Variants in ITGA9 observed in about 807,000 individuals in gnomAD.
ITGA9 encodes the protein integrin subunit alpha 9.
Under a neutral mutation model 127.8 loss-of-function variants are expected in ITGA9, and 56 were observed. The observed-to-expected ratio is 0.44, with a 90% CI of 0.35 to 0.55. ITGA9 has a LOEUF of 0.55. Among genes scored for constraint, ITGA9 ranks in the 20% least tolerant of loss-of-function variants. ITGA9 has a pLI of 0.00. For synonymous variants in ITGA9, 508 were observed against 514.5 expected, an observed-to-expected ratio of 0.99 and a Z score of 0.17; for missense variants, 1,196 against 1,347.1, an observed-to-expected ratio of 0.89 and a Z score of 1.76.
intron 23 of ITGA9, among the ~76,000 whole-genome samples, chr3:37,768,022 C>T (rs1696799640): frequency 6.6e-6 from 1 of 152,168 alleles, no homozygotes; most frequent in Non-Finnish European, 1.5e-5. Context: ...AGCCTGTGAG[C>T]ATCCACCCTT....
At chr3:37,530,365 CAT>C (rs1286247519) in intron 13 of ITGA9, among the ~76,000 whole-genome samples, 2 of 152,176 alleles carry the variant, frequency 1.3e-5, no homozygotes, top group Non-Finnish European at 2.9e-5. Context: ...TGCAAGCACA[CAT>C]AGATATATAT....
At chr3:37,609,542 C>G (rs1699998512) in intron 15 of ITGA9, among the ~76,000 whole-genome samples, 1 of 152,154 alleles carries the variant, frequency 6.6e-6, no homozygotes, top group Non-Finnish European at 1.5e-5. Flanking sequence ...GGTCCCCACC[C>G]ATGACACTGT....
At chr3:37,618,420 TGAG>T (rs569864865) in intron 15 of ITGA9, among the ~76,000 whole-genome samples, 68 of 152,322 alleles carry the variant, frequency 4.5e-4, no homozygotes, top group African/African-American at 1.5e-3. Flanking sequence ...GGGACCCACT[TGAG>T]GAGGCAGTCT....
intron 18 of ITGA9, among the ~76,000 whole-genome samples, chr3:37,706,876 T>G (rs1199892373): frequency 1.3e-5 from 2 of 152,156 alleles, no homozygotes; most frequent in Non-Finnish European, 1.5e-5. Context: ...CACAATCAGT[T>G]TACTAGGATT....
At chr3:37,654,887 C>T (rs922089209) in intron 17 of ITGA9, among the ~76,000 whole-genome samples, 2 of 152,120 alleles carry the variant, frequency 1.3e-5, no homozygotes, top group Admixed American at 6.5e-5. Flanking sequence ...ATTCCCCTCC[C>T]TGTGTCCCTG....
intron 15 of ITGA9, among the ~76,000 whole-genome samples, chr3:37,603,525 C>T (rs9882759): frequency 0.17 from 26,124 of 152,148 alleles, 2,592 homozygotes; most frequent in Admixed American, 0.29. Context: ...CCCTACCCAA[C>T]AGAAGTGGTT....
At position 37,780,140 on chromosome 3, in the gene ITGA9, C is replaced by A. The variant is rs537142256; in HGVS notation, c.2787+119C>A. Reference sequence around the variant, plus strand: ...TTTGAATTGGTGTCCTCATGACAATCTGGCTGCCCCCCCTTTTGGCTGTCT... The same window carrying A: ...TTTGAATTGGTGTCCTCATGACAATATGGCTGCCCCCCCTTTTGGCTGTCT... On this transcript the variant is annotated intron_variant, in intron 25 of 27. Transcript: ENST00000264741. 9.8e-6 allele frequency: 12 copies of A among 1,229,744 alleles called. No homozygotes were observed. In the African/African-American group the frequency reaches 1.5e-4, roughly 15 times the overall value. The allele number at this position is 1,229,744 out of a possible 1,614,324, so 76.2% of individuals were successfully genotyped here.
At chr3:37,715,857 G>A (rs6419835) in intron 18 of ITGA9, among the ~76,000 whole-genome samples, 138,755 of 152,238 alleles carry the variant, frequency 0.91, 63,354 homozygotes, top group African/African-American at 0.98. Flanking sequence ...TTTTTGTGTG[G>A]TAGTCTCTTT....
intron 14 of ITGA9, among the ~76,000 whole-genome samples, chr3:37,537,131 G>C (rs1699215809): frequency 6.6e-6 from 1 of 152,224 alleles, no homozygotes; most frequent in African/African-American, 2.4e-5. Context: ...TGGAGAAGGG[G>C]CCCTGCGGAG....
intron 15 of ITGA9, among the ~76,000 whole-genome samples, chr3:37,551,819 C>G (rs180859749): frequency 1.3e-5 from 2 of 152,382 alleles, no homozygotes; most frequent in East Asian, 3.9e-4. Context: ...CTTGCCATCT[C>G]TATCCTCCAA....
chr3:37,645,428 C>A (rs1220359707), intron 16 of ITGA9, among the ~76,000 whole-genome samples: 1 of 152,072 alleles, frequency 6.6e-6, no homozygotes, highest in Admixed American at 6.6e-5. Flanking sequence ...ATTAGCGGGG[C>A]ATGGTGGTAC....
chr3:37,733,777 A>G (rs1246935802), intron 19 of ITGA9, among the ~76,000 whole-genome samples: 1 of 152,126 alleles, frequency 6.6e-6, no homozygotes, highest in East Asian at 1.9e-4. Context: ...AAATGTTTAA[A>G]CCACCCAAGC....
chr3:37,807,859 A>C (rs923435277), intron 27 of ITGA9: 1 of 152,286 alleles, frequency 6.6e-6, no homozygotes, highest in Admixed American at 6.5e-5. Flanking sequence ...GGAGAAAAAA[A>C]GAATAGCTGT....
intron 2 of ITGA9, among the ~76,000 whole-genome samples, chr3:37,471,785 G>A (rs540451385): frequency 7.9e-5 from 12 of 152,308 alleles, no homozygotes; most frequent in African/African-American, 2.9e-4. Flanking sequence ...TGGGCATGGT[G>A]GCTCATGACT....
chr3:37,549,223 A>G (rs1699356641), intron 15 of ITGA9, among the ~76,000 whole-genome samples: 1 of 152,136 alleles, frequency 6.6e-6, no homozygotes, highest in South Asian at 2.1e-4. Context: ...ATCTCCGATG[A>G]GCACTGTTTG....
Position 37,513,778 on chromosome 3 carries a change from G to A in ITGA9, c.913G>A (p.Gly305Ser). 1.9e-6 allele frequency: 3 copies of A among 1,614,036 alleles called. No individual in the cohort carries two copies. Among genetic ancestry groups the A allele is most frequent in the South Asian group, 2.2e-5 (2 of 91,070 alleles). Residue 305 changes from glycine to serine, a missense_variant, in exon 9 of 28, where the codon GGC (glycine) becomes AGC (serine). Physicochemically the swap from Gly to Ser is moderately conservative, Grantham distance 56. Coordinates refer to ENST00000264741, the MANE Select transcript of ITGA9 (RefSeq NM_002207.3). The part of the protein sequence containing the change: ...ASGKKMGSYF[G>S]SSLCAVDLNG... ...TTGGTTGCAGATGGGCTCTTACTTC[G>A]GCTCCTCCTTGTGCGCAGTTGACCT...
chr3:37,679,419 G>A (rs988113345), intron 17 of ITGA9, among the ~76,000 whole-genome samples: 3 of 152,130 alleles, frequency 2.0e-5, no homozygotes, highest in Admixed American at 6.5e-5. Flanking sequence ...AGCCCTTCCC[G>A]ACTGAGATGG....
At chr3:37,479,549 A>G (rs1420421289) in intron 3 of ITGA9, among the ~76,000 whole-genome samples, 2 of 152,184 alleles carry the variant, frequency 1.3e-5, no homozygotes, top group Non-Finnish European at 2.9e-5. Context: ...GATGTCAGGG[A>G]GAACCAGGCC....
At chr3:37,491,174 A>G (rs2125563867) in intron 4 of ITGA9, among the ~76,000 whole-genome samples, 1 of 152,058 alleles carries the variant, frequency 6.6e-6, no homozygotes, top group Non-Finnish European at 1.5e-5. Context: ...TGGGGGTCTC[A>G]CTTTGTTCCC....
Sources: allele counts gnomAD v4.1 joint callset (sites outside exome capture counted in the v4.1 genomes callset), GRCh38; gene constraint gnomAD v4.1.1; transcripts MANE v1.5; gene names NCBI Gene and HGNC (gene_info 2026-07-23, HGNC 2026-07-21).